Variants in GNA11 observed in about 807,000 individuals in gnomAD.
GNA11 encodes G protein subunit alpha 11.
Under a neutral mutation model 38.2 loss-of-function variants are expected in GNA11, and 8 were observed. The observed-to-expected ratio is 0.21, with a 90% confidence interval of 0.12 to 0.38. The LOEUF is 0.38. Among genes scored for constraint, GNA11 ranks in the 10% least tolerant of loss-of-function variants. The pLI is 1.00. For synonymous variants in GNA11, 211 were observed against 221.4 expected, an observed-to-expected ratio of 0.95 and a Z score of 0.42; for missense variants, 268 against 516.3, an observed-to-expected ratio of 0.52 and a Z score of 4.66.
In GNA11 at chr19:3,110,849, A is replaced by G. The variant is rs540820747; in HGVS notation, c.321+516A>G. On this transcript the variant is annotated intron_variant, in intron 2 of 6. Coordinates refer to ENST00000078429, the MANE Select transcript of GNA11 (RefSeq NM_002067.5). The surrounding 1 kb of genome is among the most constrained non-coding windows in gnomAD (Gnocchi z 5.4). ...GGTCTCGCTCTGTCGCCCAGGCTGG[A>G]GTGCAGTGGAATGGTCAAGGCTCAT... Among the ~76,000 whole-genome samples the G allele has an allele frequency of 6.6e-6, 1 of 152,006 alleles. No homozygotes were observed. The highest frequency in any genetic ancestry group is 2.1e-4 in the South Asian group (1 of 4,802).
intron 1 of GNA11, among the ~76,000 whole-genome samples, chr19:3,095,497 C>T (rs1913341009): frequency 6.6e-6 from 1 of 150,758 alleles, no homozygotes; most frequent in Non-Finnish European, 1.5e-5. Flanking sequence ...CATGCAGGCC[C>T]TGTACCCTCC....
At chr19:3,107,698 TGTG>T (rs1372109212) in intron 1 of GNA11, among the ~76,000 whole-genome samples, 1 of 152,016 alleles carries the variant, frequency 6.6e-6, no homozygotes. Flanking sequence ...TGGGGACATC[TGTG>T]GTGGTCACAA....
chr19:3,104,992 T>C (rs1056488312), intron 1 of GNA11, among the ~76,000 whole-genome samples: 10 of 139,996 alleles, frequency 7.1e-5, no homozygotes, highest in Admixed American at 8.1e-5. Context: ...GACGGCCTCC[T>C]GGGAGGCTGA....
At chr19:3,105,615 G>A (rs1383826225) in intron 1 of GNA11, among the ~76,000 whole-genome samples, 3 of 152,148 alleles carry the variant, frequency 2.0e-5, no homozygotes. Context: ...CAACACCACT[G>A]TCTTAGGGGT....
chr19:3,112,447 C>T (rs768944917), intron 2 of GNA11, among the ~76,000 whole-genome samples: 18 of 152,220 alleles, frequency 1.2e-4, no homozygotes, highest in Non-Finnish European at 2.1e-4. Flanking sequence ...CCCAGTATGT[C>T]CCCTCCCCAG....
At chr19:3,116,132 C>G (rs1317941273) in intron 4 of GNA11, among the ~76,000 whole-genome samples, 1 of 152,076 alleles carries the variant, frequency 6.6e-6, no homozygotes, top group Non-Finnish European at 1.5e-5. Flanking sequence ...GGCCGGCCAG[C>G]AGAGCCGGGT....
chr19:3,098,419 C>T (rs1049464484), intron 1 of GNA11, among the ~76,000 whole-genome samples: 5 of 152,340 alleles, frequency 3.3e-5, no homozygotes, highest in African/African-American at 9.6e-5. Flanking sequence ...GGGCAGCCCT[C>T]GGCTGTTAGG....
Position 3,121,243 on chromosome 19 carries a change from G to A in GNA11, c.*64G>A, listed in dbSNP as rs1321232570. 3.0e-5 allele frequency: 40 copies of A among 1,351,316 alleles called. No individual in the cohort carries two copies. The highest frequency in any genetic ancestry group is 3.8e-5 in the South Asian group (3 of 78,978). The allele number at this position is 1,351,316 out of a possible 1,614,324, so 83.7% of individuals were successfully genotyped here. A position where few individuals can be genotyped will look rare whatever the true frequency, so the allele number is the denominator to read the frequency against. On this transcript the variant is annotated 3_prime_UTR_variant, in exon 7 of 7. Coordinates refer to ENST00000078429, the MANE Select transcript of GNA11 (RefSeq NM_002067.5). ...AGGACCTTCCTTCCACGGAGCCTGC[G>A]GCTGCCGGGCGGGTGGCGCTGCCGA...
chr19:3,099,762 C>G (rs1003752107), intron 1 of GNA11, among the ~76,000 whole-genome samples: 3 of 152,238 alleles, frequency 2.0e-5, no homozygotes, highest in African/African-American at 4.8e-5. Context: ...CCAGCCTGGC[C>G]TCCCGCAGTC....
At chr19:3,096,037 G>C (rs1913355721) in intron 1 of GNA11, among the ~76,000 whole-genome samples, 1 of 152,176 alleles carries the variant, frequency 6.6e-6, no homozygotes, top group Non-Finnish European at 1.5e-5. Context: ...CGGGGCGGTG[G>C]GGAAGGTCGG....
At position 3,110,466 on chromosome 19, in the gene GNA11, C is replaced by T. The variant is rs184614398; in HGVS notation, c.321+133C>T. On this transcript the variant is annotated intron_variant, in intron 2 of 6. Transcript: ENST00000078429. This position sits in a 1 kb window ranked among gnomAD's most constrained non-coding sequence, Gnocchi z 5.4. ...GCCCAGGCTACCCCTGGTCATCCAT[C>T]CGTTCCTGTCATGGACATGGAAACA... 35 of 665,256 alleles carry T rather than the reference C, an allele frequency of 5.3e-5. No individual in the cohort carries two copies. The East Asian group carries it at 9.2e-4, about 18-fold the overall frequency. The allele number at this position is 665,256 out of a possible 1,614,324, so 41.2% of individuals were successfully genotyped here.
At chr19:3,109,189 G>A (rs542640046) in intron 1 of GNA11, among the ~76,000 whole-genome samples, 3 of 152,370 alleles carry the variant, frequency 2.0e-5, no homozygotes, top group African/African-American at 4.8e-5. Flanking sequence ...ATCCCAGCGT[G>A]TGAGGGTGAA....
In GNA11 at chr19:3,094,480, CG is replaced by C. The variant is rs984281744; in HGVS notation, c.-170del. On this transcript the variant is annotated 5_prime_UTR_variant, in exon 1 of 7. Transcript: ENST00000078429. The surrounding 1 kb of genome is among the most constrained non-coding windows in gnomAD (Gnocchi z 6.0). The stretch of plus-strand genomic sequence containing the variant: ...GGCTGGCGCGGCCCGAGCGGGGACC[CG>C]GCGGCTCGCCAGGCGGCGGCCGAGG... 4 of 146,930 alleles carry C rather than the reference CG, an allele frequency of 2.7e-5. No homozygotes were observed. Among genetic ancestry groups the C allele is most frequent in the African/African-American group, 4.9e-5 (2 of 40,552 alleles). The allele number at this position is 146,930 out of a possible 1,614,324, so 9.1% of individuals were successfully genotyped here. A position where few individuals can be genotyped will look rare whatever the true frequency, so the allele number is the denominator to read the frequency against.
chr19:3,112,459 C>G (rs72975281), intron 2 of GNA11, among the ~76,000 whole-genome samples: 19,994 of 152,110 alleles, frequency 0.13, 1,572 homozygotes, highest in East Asian at 0.18. Context: ...CCTCCCCAGT[C>G]CCTCAGCCAA....
intron 1 of GNA11, among the ~76,000 whole-genome samples, chr19:3,098,749 G>C (rs895220178): frequency 3.9e-5 from 6 of 152,206 alleles, no homozygotes; most frequent in Non-Finnish European, 7.3e-5. Context: ...TCTGGCGCCT[G>C]GCAGGGTGGC....
chr19:3,100,624 TG>T (rs1277349427), intron 1 of GNA11, among the ~76,000 whole-genome samples: 1 of 152,124 alleles, frequency 6.6e-6, no homozygotes, highest in African/African-American at 2.4e-5. Context: ...GCCTGTGCAC[TG>T]GGCAGAAGGG....
chr19:3,121,957 C>G lies in GNA11; in HGVS notation c.*778C>G, dbSNP rs1187460310. On this transcript the variant is annotated 3_prime_UTR_variant, in exon 7 of 7. Transcript: ENST00000078429. ...CTCTGCAGAGGCTGGGAAGGGTCCC[C>G]GGGCTGGAGCCACGGGGGCTTCTCT... is the stretch of plus-strand genomic sequence containing the variant. 2 of 233,010 alleles carry G rather than the reference C, an allele frequency of 8.6e-6. No individual in the cohort carries two copies. The highest frequency in any genetic ancestry group is 8.5e-6 in the Non-Finnish European group (1 of 117,870). The allele number at this position is 233,010 out of a possible 1,614,324, so 14.4% of individuals were successfully genotyped here.
chr19:3,100,577 C>A (rs1207719362), intron 1 of GNA11, among the ~76,000 whole-genome samples: 1 of 152,190 alleles, frequency 6.6e-6, no homozygotes, highest in Non-Finnish European at 1.5e-5. Context: ...CGCCAGGGGT[C>A]TCTGCTGGGG....
chr19:3,115,281 T>C, intron 4 of GNA11: 2 of 508,092 alleles, frequency 3.9e-6, no homozygotes, highest in Non-Finnish European at 7.0e-6. Context: ...TGTGTGCACC[T>C]GTGGTCCCAG....
Sources: gnomAD v4.1 joint callset for allele counts (sites outside exome capture counted in the v4.1 genomes callset) on GRCh38, gnomAD v4.1.1 for gene constraint, Gnocchi (gnomAD v3.1) non-coding constraint, MANE v1.5 for transcripts, NCBI Gene and HGNC (gene_info 2026-07-23, HGNC 2026-07-21) for gene names.